SUMF1: variants seen among roughly 807,000 people sequenced by gnomAD.
SUMF1 encodes sulfatase modifying factor 1, also known as formylglycine-generating enzyme.
In SUMF1, 48 loss-of-function variants were observed where a neutral mutation model predicts 47.6. The ratio of observed to expected loss-of-function variants is 1.01; its 90% CI spans 0.80 to 1.28. The LOEUF is 1.28. SUMF1 is among the 50% of genes most tolerant of loss of function. The pLI is 0.00. For synonymous variants in SUMF1, 230 were observed against 192.1 expected, an observed-to-expected ratio of 1.20 and a Z score of -1.63; for missense variants, 571 against 485.4, an observed-to-expected ratio of 1.18 and a Z score of -1.66.
chr3:4,352,335 A>G (rs1699521333), intron 8 of SUMF1, among the ~76,000 whole-genome samples: 1 of 152,200 alleles, frequency 6.6e-6, no homozygotes, highest in East Asian at 1.9e-4. Context: ...AAATTAGGTC[A>G]TGTACACAAA....
intron 8 of SUMF1, among the ~76,000 whole-genome samples, chr3:4,270,002 T>C (rs568290967): frequency 6.6e-6 from 1 of 152,294 alleles, no homozygotes; most frequent in South Asian, 2.1e-4. Context: ...TTTTTACAGC[T>C]ACCATCTCAT....
intron 9 of SUMF1, among the ~76,000 whole-genome samples, chr3:4,034,924 G>A (rs1410336865): frequency 1.3e-5 from 2 of 151,680 alleles, no homozygotes; most frequent in Admixed American, 6.6e-5. Context: ...GTGTAAGATT[G>A]GGGAATAGTA....
intron 3 of SUMF1, among the ~76,000 whole-genome samples, chr3:4,440,614 C>A (rs1702554518): frequency 6.6e-6 from 1 of 152,106 alleles, no homozygotes; most frequent in South Asian, 2.1e-4. Context: ...AACAAAGCAC[C>A]CAGCACCACT....
At chr3:4,060,953 C>T (rs1273607758) in intron 9 of SUMF1, among the ~76,000 whole-genome samples, 1 of 152,090 alleles carries the variant, frequency 6.6e-6, no homozygotes, top group Non-Finnish European at 1.5e-5. Context: ...CTCTGAGGTC[C>T]TTCCAGCTTT....
intron 7 of SUMF1, among the ~76,000 whole-genome samples, chr3:4,380,300 C>A (rs1700462804): frequency 6.6e-6 from 1 of 152,140 alleles, no homozygotes; most frequent in South Asian, 2.1e-4. Context: ...CCATTATTAT[C>A]CTATGTGAAT....
At chr3:4,248,405 C>A (rs754402285) in intron 8 of SUMF1, among the ~76,000 whole-genome samples, 1 of 152,176 alleles carries the variant, frequency 6.6e-6, no homozygotes, top group Admixed American at 6.5e-5. Context: ...CAAGACATCA[C>A]TTTTTTGTTT....
chr3:4,416,045 C>A (rs1701701083), intron 6 of SUMF1, among the ~76,000 whole-genome samples: 2 of 152,102 alleles, frequency 1.3e-5, no homozygotes, highest in South Asian at 4.1e-4. Context: ...CTTACAGTAG[C>A]ACAAAGGGAC....
rs1343070129 is a variant in SUMF1, at chr3:4,066,109, T to C, written c.1191+2460A>G. ...GGTAGGGAAGGGTGAAAAGTGGATC[T>C]GGAAGGGAAACAGAAGACATTCAGC... On this transcript the variant is annotated intron_variant and NMD_transcript_variant, in intron 9 of 12. Transcript: ENST00000448413. Among the ~76,000 whole-genome samples the C allele has an allele frequency of 8.6e-5, 13 of 151,998 alleles. 1 individual carries two copies. Among genetic ancestry groups the C allele is most frequent in the Non-Finnish European group, 4.4e-5 (3 of 67,994 alleles).
At chr3:4,213,694 C>T (rs537558466) in intron 8 of SUMF1, among the ~76,000 whole-genome samples, 1 of 151,850 alleles carries the variant, frequency 6.6e-6, no homozygotes, top group African/African-American at 2.4e-5. Context: ...CACATAGGCT[C>T]AAAATAAAGG....
chr3:4,050,985 A>C (rs1011597831), intron 9 of SUMF1, among the ~76,000 whole-genome samples: 1 of 151,816 alleles, frequency 6.6e-6, no homozygotes, highest in Non-Finnish European at 1.5e-5. Flanking sequence ...CACCCTCTAA[A>C]CTTGACGTTT....
At chr3:4,074,233 A>G (rs1280802024) in intron 8 of SUMF1, among the ~76,000 whole-genome samples, 2 of 152,188 alleles carry the variant, frequency 1.3e-5, no homozygotes, top group African/African-American at 4.8e-5. Flanking sequence ...CTGCTCCTCA[A>G]TGACTACTGG....
chr3:4,380,122 G>T (rs1575154555), intron 7 of SUMF1, among the ~76,000 whole-genome samples: 1 of 152,114 alleles, frequency 6.6e-6, no homozygotes, highest in Non-Finnish European at 1.5e-5. Context: ...TCCACCTCCT[G>T]TGCTCAAGAG....
At chr3:4,233,541 A>G (rs938090589) in intron 8 of SUMF1, among the ~76,000 whole-genome samples, 1 of 152,144 alleles carries the variant, frequency 6.6e-6, no homozygotes, top group Admixed American at 6.6e-5. Context: ...TGGTTTTTTA[A>G]CATAAACAAA....
chr3:4,431,536 G>A lies in SUMF1; in HGVS notation c.520-11390C>T, dbSNP rs146157826. Among the ~76,000 whole-genome samples, 297 of 152,254 alleles carry A rather than the reference G, an allele frequency of 2.0e-3. 2 individuals are homozygous for A. Among genetic ancestry groups the A allele is most frequent in the African/African-American group, 6.9e-3 (287 of 41,524 alleles). On this transcript the variant is annotated intron_variant, in intron 3 of 8. Coordinates refer to ENST00000272902, the MANE Select transcript of SUMF1 (RefSeq NM_182760.4). ...CCTCTCCACTGAGAGCTGTTGCGTCGCTCAATAAAATTTTTCTCCGCCCTC... is the reference window on the plus strand; with the variant it reads ...CCTCTCCACTGAGAGCTGTTGCGTCACTCAATAAAATTTTTCTCCGCCCTC...
chr3:4,179,607 C>T (rs1436147725), intron 8 of SUMF1, among the ~76,000 whole-genome samples: 1 of 152,074 alleles, frequency 6.6e-6, no homozygotes, highest in Non-Finnish European at 1.5e-5. Flanking sequence ...AAAACCTAGG[C>T]AATACCATTC....
chr3:4,139,057 C>T (rs1029727763), intron 8 of SUMF1, among the ~76,000 whole-genome samples: 3 of 152,152 alleles, frequency 2.0e-5, no homozygotes, highest in Admixed American at 6.6e-5. Flanking sequence ...TGCTATGAAT[C>T]AGAGCTTAAT....
At chr3:4,309,869 TAA>T in intron 8 of SUMF1, among the ~76,000 whole-genome samples, 1 of 152,364 alleles carries the variant, frequency 6.6e-6, no homozygotes, top group African/African-American at 2.4e-5. Context: ...AGTTATTATT[TAA>T]CTATGGGGAA....
intron 8 of SUMF1, among the ~76,000 whole-genome samples, chr3:4,366,420 T>C (rs1207808902): frequency 1.3e-5 from 2 of 151,976 alleles, no homozygotes; most frequent in East Asian, 1.9e-4. Flanking sequence ...CATTTCTTTT[T>C]ATTCTTTTTT....
intron 8 of SUMF1, among the ~76,000 whole-genome samples, chr3:4,125,316 A>C (rs1357756125): frequency 1.3e-5 from 2 of 152,190 alleles, no homozygotes; most frequent in African/African-American, 2.4e-5. Flanking sequence ...ACAGATATAG[A>C]ACATTTCTGT....
Sources: gnomAD v4.1 joint callset for allele counts (sites outside exome capture counted in the v4.1 genomes callset) on GRCh38, gnomAD v4.1.1 for gene constraint, MANE v1.5 for transcripts, NCBI Gene and HGNC (gene_info 2026-07-23, HGNC 2026-07-21) for gene names.